Variants in FSTL4 observed in about 807,000 individuals in gnomAD.
FSTL4 encodes the protein follistatin-related protein 4.
FSTL4 carries 28 observed loss-of-function variants against 78.2 expected under a neutral mutation model. That is an observed-to-expected ratio of 0.36 (90% CI 0.27 to 0.49). The LOEUF is 0.49. Among genes scored for constraint, FSTL4 ranks in the 20% least tolerant of loss-of-function variants. The pLI, the probability that FSTL4 is intolerant of heterozygous loss-of-function variation, is 0.98. For synonymous variants in FSTL4, 422 were observed against 440.5 expected (o/e 0.96, Z 0.53); for missense variants, 922 against 1,084.9 (o/e 0.85, Z 2.11).
intron 3 of FSTL4, among the ~76,000 whole-genome samples, chr5:133,499,194 G>C (rs1244996169): frequency 1.3e-5 from 2 of 152,058 alleles, no homozygotes; most frequent in Admixed American, 1.3e-4. Context: ...CAGGAGATCT[G>C]CAAAGCAGCT....
intron 4 of FSTL4, among the ~76,000 whole-genome samples, chr5:133,373,504 C>T (rs1755366205): frequency 6.6e-6 from 1 of 152,220 alleles, no homozygotes; most frequent in African/African-American, 2.4e-5. Flanking sequence ...ACTGGATGCA[C>T]ATACAAGAAG....
At chr5:133,685,493 G>T in the FSTL4 span, among the ~76,000 whole-genome samples, 1 of 152,246 alleles carries the variant, frequency 6.6e-6, no homozygotes, top group Non-Finnish European at 1.5e-5. Flanking sequence ...TGTGCAGAAT[G>T]TAGTGATGAA....
intron 3 of FSTL4, among the ~76,000 whole-genome samples, chr5:133,460,392 C>T (rs531705903): frequency 7.2e-5 from 11 of 152,252 alleles, no homozygotes; most frequent in East Asian, 5.8e-4. Flanking sequence ...TTGGGGTCCC[C>T]GCTCCTCCTT....
At chr5:133,719,629 C>T in the FSTL4 span, among the ~76,000 whole-genome samples, 8 of 144,332 alleles carry the variant, frequency 5.5e-5, no homozygotes, top group Non-Finnish European at 8.9e-5. Context: ...GCCAAGATCA[C>T]GCCATTGCAC....
At chr5:133,763,251 T>G in the FSTL4 span, among the ~76,000 whole-genome samples, 1 of 152,236 alleles carries the variant, frequency 6.6e-6, no homozygotes, top group Admixed American at 6.5e-5. Context: ...CATGTTTACC[T>G]ACAAGAGTAG....
intron 4 of FSTL4, among the ~76,000 whole-genome samples, chr5:133,371,440 C>T (rs1474460416): frequency 6.6e-6 from 1 of 152,176 alleles, no homozygotes; most frequent in Non-Finnish European, 1.5e-5. Flanking sequence ...AAAAAGCAAG[C>T]ATGAGGGAAG....
the FSTL4 span, among the ~76,000 whole-genome samples, chr5:133,710,747 A>T: frequency 6.6e-6 from 1 of 152,204 alleles, no homozygotes. Context: ...ATCATAAGTA[A>T]ATTGGCAAAT....
At chr5:133,395,520 A>T (rs1756005214) in intron 4 of FSTL4, among the ~76,000 whole-genome samples, 1 of 152,206 alleles carries the variant, frequency 6.6e-6, no homozygotes, top group African/African-American at 2.4e-5. Flanking sequence ...TTCATTCTCG[A>T]AGTCAGAGAG....
chr5:133,506,847 G>A (rs1253068264), intron 3 of FSTL4, among the ~76,000 whole-genome samples: 1 of 152,208 alleles, frequency 6.6e-6, no homozygotes, highest in Non-Finnish European at 1.5e-5. Context: ...TGACTGGCTG[G>A]CTGAATGAAT....
chr5:133,831,271 G>A, the FSTL4 span, among the ~76,000 whole-genome samples: 1 of 152,298 alleles, frequency 6.6e-6, no homozygotes, highest in South Asian at 2.1e-4. Context: ...GGTGCATCCA[G>A]GCCGCTGTAT....
chr5:133,646,430 T>C, the FSTL4 span, among the ~76,000 whole-genome samples: 2 of 152,078 alleles, frequency 1.3e-5, no homozygotes, highest in Non-Finnish European at 2.9e-5. Context: ...GGTAGGGTCT[T>C]GGGATTTTAT....
intron 4 of FSTL4, among the ~76,000 whole-genome samples, chr5:133,326,904 C>T (rs139378372): frequency 4.5e-4 from 68 of 152,340 alleles, no homozygotes; most frequent in Middle Eastern, 3.4e-3. Context: ...CTGCCCATGG[C>T]CTGGAGGAAC....
intron 3 of FSTL4, among the ~76,000 whole-genome samples, chr5:133,554,622 TCAA>T (rs1388429299): frequency 6.6e-6 from 1 of 152,330 alleles, no homozygotes; most frequent in East Asian, 1.9e-4. Flanking sequence ...CTGAGCTTAT[TCAA>T]CAACAACAAG....
At chr5:133,279,988 C>G (rs550021082) in intron 6 of FSTL4, among the ~76,000 whole-genome samples, 1 of 152,138 alleles carries the variant, frequency 6.6e-6, no homozygotes, top group Non-Finnish European at 1.5e-5. Flanking sequence ...ATACCAGGAG[C>G]CACCAGAAGT....
At chr5:133,508,243 GCTAA>G (rs1341804686) in intron 3 of FSTL4, among the ~76,000 whole-genome samples, 2 of 152,182 alleles carry the variant, frequency 1.3e-5, no homozygotes, top group African/African-American at 2.4e-5. Context: ...GTGAATGTTA[GCTAA>G]CTGTTATTAA....
intron 4 of FSTL4, among the ~76,000 whole-genome samples, chr5:133,331,119 C>A (rs992959468): frequency 2.6e-5 from 4 of 152,168 alleles, no homozygotes; most frequent in African/African-American, 9.7e-5. Flanking sequence ...CAGCAAGCCC[C>A]GCTGAGAGGG....
chr5:133,775,285 A>G, the FSTL4 span, among the ~76,000 whole-genome samples: 1 of 152,214 alleles, frequency 6.6e-6, no homozygotes, highest in Admixed American at 6.5e-5. Context: ...CATAAATCCC[A>G]TGGTTTTAAA....
rs536109824 is a variant in FSTL4 at position 133,510,413 on chromosome 5, G to A, written c.160+56773C>T. On this transcript the variant is annotated intron_variant, in intron 3 of 15. Coordinates refer to ENST00000265342, the MANE Select transcript of FSTL4 (RefSeq NM_015082.2). ...AATTACCTTTCAAACCCCAAGGACTGTGCATGGATATTCCCAGGTTGGGCT... is the reference window on the plus strand; with the variant it reads ...AATTACCTTTCAAACCCCAAGGACTATGCATGGATATTCCCAGGTTGGGCT... Among the ~76,000 whole-genome samples the A allele has an allele frequency of 8.5e-5, 13 of 152,276 alleles. No homozygotes were observed. The South Asian group carries it at 2.5e-3, about 29-fold the overall frequency.
chr5:133,510,825 C>G (rs1203969446), intron 3 of FSTL4, among the ~76,000 whole-genome samples: 1 of 152,100 alleles, frequency 6.6e-6, no homozygotes, highest in African/African-American at 2.4e-5. Context: ...AAGGCTAGAG[C>G]CACAGCCGTG....
Sources: gnomAD v4.1 joint callset for allele counts (sites outside exome capture counted in the v4.1 genomes callset) on GRCh38, gnomAD v4.1.1 for gene constraint, MANE v1.5 for transcripts, NCBI Gene and HGNC (gene_info 2026-07-23, HGNC 2026-07-21) for gene names.